The following GSG1L2 variants were observed in gnomAD, a reference collection of about 807,000 sequenced individuals.
GSG1L2 encodes germ cell-specific gene 1-like protein 2.
In GSG1L2, 15 loss-of-function variants were observed where a neutral mutation model predicts 9.0. The observed-to-expected ratio is 1.67, with a 90% CI of 1.12 to 2.57. The LOEUF is 2.57. GSG1L2 is among the 30% of genes most tolerant of loss of function. The probability of loss-of-function intolerance (pLI) is 0.00; values close to 1 mark genes in which losing one functional copy is unlikely to be tolerated. For missense variants in GSG1L2, 286 were observed against 150.3 expected, an observed-to-expected ratio of 1.90 and a Z score of -4.72; for synonymous variants, 127 against 57.9, an observed-to-expected ratio of 2.19 and a Z score of -5.41.
At chr17:9,816,408 G>A (rs971952761) in intron 1 of GSG1L2, among the ~76,000 whole-genome samples, 4 of 150,842 alleles carry the variant, frequency 2.7e-5, no homozygotes, top group Admixed American at 6.6e-5. Flanking sequence ...GTGTGTGTGT[G>A]TGTGTGTCTG....
chr17:9,801,823 A>G lies in GSG1L2; in HGVS notation c.*563T>C, dbSNP rs372507371. Among the ~76,000 whole-genome samples the G allele has an allele frequency of 7.8e-4, 119 of 152,354 alleles. 2 individuals carry two copies. The South Asian group carries it at 0.024, about 31-fold the overall frequency. On this transcript the variant is annotated 3_prime_UTR_variant, in exon 5 of 5. Transcript: ENST00000399363. ...ACTGTCCTTCCAAACTGATTTTACT[A>G]TGAGTAGAAACACAAAATTTCCAAG...
intron 1 of GSG1L2, among the ~76,000 whole-genome samples, chr17:9,813,372 G>A (rs916618901): frequency 5.3e-5 from 8 of 152,114 alleles, no homozygotes; most frequent in African/African-American, 1.7e-4. Context: ...GGATTCGTGC[G>A]TCACATGACT....
At chr17:9,808,541 T>G (rs1190787716) in intron 3 of GSG1L2, among the ~76,000 whole-genome samples, 1 of 152,146 alleles carries the variant, frequency 6.6e-6, no homozygotes. Context: ...AAGTACTGCT[T>G]TCAGTGAAGT....
intron 1 of GSG1L2, among the ~76,000 whole-genome samples, chr17:9,818,811 A>G (rs2066578113): frequency 6.6e-6 from 1 of 151,974 alleles, no homozygotes; most frequent in Admixed American, 6.6e-5. Context: ...TCCAAACTCT[A>G]TCACCCCCGT....
In GSG1L2 at chr17:9,810,589, C is replaced by T; in HGVS notation, c.340G>A (p.Val114Met). ...TATTTACCTTGTTCTTCAGCTGGCACTACACTCCGGAAACTCCTACACTTT... is the reference window on the plus strand; with the variant it reads ...TATTTACCTTGTTCTTCAGCTGGCATTACACTCCGGAAACTCCTACACTTT... ...DEKCRSFRSV[V>M]PAEEQGVLWL... is the part of the protein sequence containing the mutation. The change falls in exon 2 of 5, where the codon GTG becomes ATG. Residue 114 changes from valine (V) to methionine (M), a missense_variant. Val to Met is a conservative substitution (Grantham distance 21). Transcript: ENST00000399363. The T allele has an allele frequency of 1.4e-6, 1 of 703,032 alleles. No homozygotes were observed. 43.5% of individuals were successfully genotyped at this position (703,032 alleles called of 1,614,324 possible). A position where few individuals can be genotyped will look rare whatever the true frequency, so the allele number is the denominator to read the frequency against.
At chr17:9,810,228 G>A in intron 2 of GSG1L2, 1 of 368,608 alleles carries the variant, frequency 2.7e-6, no homozygotes, top group Non-Finnish European at 4.9e-6. Flanking sequence ...AGGCAGTGGT[G>A]TGCTGAAGCT....
chr17:9,813,753 C>T (rs2066548557), intron 1 of GSG1L2, among the ~76,000 whole-genome samples: 1 of 152,184 alleles, frequency 6.6e-6, no homozygotes. Context: ...CAGATGGATA[C>T]CATGGGCAAT....
At chr17:9,818,590 AG>A (rs202155474) in intron 1 of GSG1L2, among the ~76,000 whole-genome samples, 2,582 of 141,898 alleles carry the variant, frequency 0.018, 89 homozygotes, top group African/African-American at 0.064. Flanking sequence ...TCCTGACCTC[AG>A]GCAATCCACC....
intron 1 of GSG1L2, among the ~76,000 whole-genome samples, chr17:9,813,170 C>A (rs1297887083): frequency 1.3e-5 from 2 of 152,202 alleles, no homozygotes; most frequent in African/African-American, 4.8e-5. Context: ...CATGTCTAAT[C>A]CTTATAAACC....
At position 9,802,628 on chromosome 17, in the gene GSG1L2, A is replaced by C; in HGVS notation, c.640T>G (p.Phe214Val). The C allele has an allele frequency of 1.4e-6, 1 of 702,886 alleles. No homozygotes were observed. The highest frequency in any genetic ancestry group is 2.6e-6 in the Non-Finnish European group (1 of 384,970). 43.5% of individuals were successfully genotyped at this position (702,886 alleles called of 1,614,324 possible). ...ACCGACACAGCCAGGCAGAGGGCGA[A>C]AGAACCCCAGGCAAGGCTGTCAACA... ...GWSYCLAWGS[F>V]ALCLAVSVSA... Residue 214 changes from phenylalanine (F) to valine (V), a missense_variant, in exon 5 of 5, where the codon TTC becomes GTC. Physicochemically the swap from Phe to Val is conservative, Grantham distance 50. Coordinates refer to ENST00000399363, the MANE Select transcript of GSG1L2 (RefSeq NM_001310219.2).
At chr17:9,813,888 G>T (rs2066549224) in intron 1 of GSG1L2, among the ~76,000 whole-genome samples, 1 of 152,160 alleles carries the variant, frequency 6.6e-6, no homozygotes, top group Admixed American at 6.5e-5. Context: ...TCTAATGAAA[G>T]GTCTCCAGTG....
Position 9,806,021 on chromosome 17 carries a change from A to C in GSG1L2, c.623+1469T>G, listed in dbSNP as rs146759629. On this transcript the variant is annotated intron_variant, in intron 4 of 4. Coordinates refer to ENST00000399363, the MANE Select transcript of GSG1L2 (RefSeq NM_001310219.2). ...CTGATCCTTCAGCTGATCCTGTGCA[A>C]GTGCCTGAGAGGTGGCCTTTTGATG... Among the ~76,000 whole-genome samples, 1,181 of 152,312 alleles carry C rather than the reference A, an allele frequency of 7.8e-3. 10 individuals are homozygous for C. The highest frequency in any genetic ancestry group is 0.014 in the Admixed American group (218 of 15,308).
intron 3 of GSG1L2, among the ~76,000 whole-genome samples, chr17:9,808,416 A>C (rs768514496): frequency 6.6e-6 from 1 of 152,156 alleles, no homozygotes; most frequent in Non-Finnish European, 1.5e-5. Context: ...GTCATCGCCA[A>C]AGTGTCTTGA....
In GSG1L2 at chr17:9,802,376, T is replaced by C. The variant is rs966776018; in HGVS notation, c.*10A>G. The C allele has an allele frequency of 5.8e-5, 37 of 640,490 alleles. No individual in the cohort carries two copies. Among genetic ancestry groups the C allele is most frequent in the Non-Finnish European group, 9.6e-5 (34 of 352,578 alleles). The allele number at this position is 640,490 out of a possible 1,614,324, so 39.7% of individuals were successfully genotyped here. On this transcript the variant is annotated 3_prime_UTR_variant, in exon 5 of 5. Coordinates refer to ENST00000399363, the MANE Select transcript of GSG1L2 (RefSeq NM_001310219.2). ...TTTGCCTGTGCGGATGTGGCAGCCATGGACACTGGCTAGCATATGGACACC... is the reference window on the plus strand; with the variant it reads ...TTTGCCTGTGCGGATGTGGCAGCCACGGACACTGGCTAGCATATGGACACC...
chr17:9,816,427 C>CGT (rs1382987097), intron 1 of GSG1L2, among the ~76,000 whole-genome samples: 10 of 100,054 alleles, frequency 1.0e-4, no homozygotes, highest in African/African-American at 2.6e-4. Flanking sequence ...TGTGTGTGTG[C>CGT]GTGTGTCTCT....
intron 1 of GSG1L2, 116 bp downstream of exon 1, chr17:9,821,646 A>G (rs878962815): frequency 3.1e-6 from 2 of 642,580 alleles, no homozygotes; most frequent in Non-Finnish European, 2.8e-6. Context: ...GAGCCCCTGC[A>G]TCATCCCGCA....
In GSG1L2 at chr17:9,820,284, A is replaced by G. The variant is rs936948935; in HGVS notation, c.310+1478T>C. Among the ~76,000 whole-genome samples, 2 of 152,174 alleles carry G rather than the reference A, an allele frequency of 1.3e-5. No individual in the cohort carries two copies. The highest frequency in any genetic ancestry group is 2.9e-5 in the Non-Finnish European group (2 of 68,036). ...AACAGAAGTACTATAGGCAGTCCTC[A>G]TATGAGAACTTGGAAAGGAGATGGA... is the stretch of plus-strand genomic sequence containing the variant. On this transcript the variant is annotated intron_variant, in intron 1 of 4. Transcript: ENST00000399363. The surrounding 1 kb of genome is among the most constrained non-coding windows in gnomAD (Gnocchi z 4.9).
rs139832156 is a variant in GSG1L2 at position 9,814,714 on chromosome 17, G to A, written c.311-4096C>T. ...CAGGGAGGCGGGTGTTACATAGCGT[G>A]TGTGCTTCAGCAGCCAAGCAGGACA... On this transcript the variant is annotated intron_variant, in intron 1 of 4. Coordinates refer to ENST00000399363, the MANE Select transcript of GSG1L2 (RefSeq NM_001310219.2). Among the ~76,000 whole-genome samples, 166 of 152,288 alleles carry A rather than the reference G, an allele frequency of 1.1e-3. 1 individual carries two copies. Among genetic ancestry groups the A allele is most frequent in the African/African-American group, 3.9e-3 (160 of 41,558 alleles).
In GSG1L2 at chr17:9,820,049, C is replaced by A. The variant is rs144271285; in HGVS notation, c.310+1713G>T. Among the ~76,000 whole-genome samples the A allele has an allele frequency of 6.6e-6, 1 of 151,748 alleles. No homozygotes were observed. Among genetic ancestry groups the A allele is most frequent in the Non-Finnish European group, 1.5e-5 (1 of 67,948 alleles). On this transcript the variant is annotated intron_variant, in intron 1 of 4. Coordinates refer to ENST00000399363, the MANE Select transcript of GSG1L2 (RefSeq NM_001310219.2). This position sits in a 1 kb window ranked among gnomAD's most constrained non-coding sequence, Gnocchi z 4.9. ...AAGTTGCAGTGAGCTGAGATTGCGC[C>A]GTTGCAATCCAGCCTGGGCAACGAG... is the stretch of plus-strand genomic sequence containing the variant.
Sources: allele counts gnomAD v4.1 joint callset (sites outside exome capture counted in the v4.1 genomes callset), GRCh38; gene constraint gnomAD v4.1.1; non-coding constraint Gnocchi (gnomAD v3.1); transcripts MANE v1.5; gene names NCBI Gene and HGNC (gene_info 2026-07-23, HGNC 2026-07-21).